KCNK10: variants seen among roughly 807,000 people sequenced by gnomAD.
The protein encoded by KCNK10 is potassium channel subfamily K member 10.
KCNK10 carries 25 observed loss-of-function variants against 47.7 expected under a neutral mutation model. The ratio of observed to expected loss-of-function variants is 0.52; its 90% CI spans 0.38 to 0.73. KCNK10 has a LOEUF of 0.73. Ranked by LOEUF, KCNK10 falls within the 30% of genes least tolerant of loss-of-function variation. KCNK10 has a pLI of 0.00. For synonymous variants in KCNK10, 303 were observed against 285.6 expected, an observed-to-expected ratio of 1.06 and a Z score of -0.61; for missense variants, 563 against 714.5, an observed-to-expected ratio of 0.79 and a Z score of 2.42.
chr14:88,257,118 A>G (rs1246805801), intron 2 of KCNK10, among the ~76,000 whole-genome samples: 1 of 152,180 alleles, frequency 6.6e-6, no homozygotes, highest in Admixed American at 6.5e-5. Flanking sequence ...TTTCTTAAAT[A>G]TAGCCTTTTC....
At chr14:88,236,189 C>T (rs79630547) in intron 3 of KCNK10, among the ~76,000 whole-genome samples, 5,554 of 152,094 alleles carry the variant, frequency 0.037, 406 homozygotes, top group East Asian at 0.26. Flanking sequence ...TGGTGGTATG[C>T]GCCTGTAGTC....
chr14:88,319,597 T>C (rs1297334513), intron 1 of KCNK10, among the ~76,000 whole-genome samples: 6 of 152,206 alleles, frequency 3.9e-5, no homozygotes, highest in Non-Finnish European at 7.4e-5. Flanking sequence ...AAGGAACAAG[T>C]AGGGTAAGCT....
At chr14:88,207,453 C>T (rs1008151217) in intron 4 of KCNK10, among the ~76,000 whole-genome samples, 1 of 152,068 alleles carries the variant, frequency 6.6e-6, no homozygotes, top group Non-Finnish European at 1.5e-5. Flanking sequence ...GGATTACAGG[C>T]GCGAGCCACA....
intron 1 of KCNK10, among the ~76,000 whole-genome samples, chr14:88,298,617 C>G (rs528919049): frequency 6.6e-6 from 1 of 152,192 alleles, no homozygotes; most frequent in South Asian, 2.1e-4. Context: ...CCAGTGCCCC[C>G]CTAGCCCAGA....
chr14:88,316,674 T>C (rs12879226), intron 1 of KCNK10, among the ~76,000 whole-genome samples: 1 of 152,056 alleles, frequency 6.6e-6, no homozygotes, highest in Non-Finnish European at 1.5e-5. Flanking sequence ...ATCAGAGTAC[T>C]GAAAAAGATT....
At chr14:88,317,585 G>T (rs1888454851) in intron 1 of KCNK10, among the ~76,000 whole-genome samples, 1 of 152,252 alleles carries the variant, frequency 6.6e-6, no homozygotes, top group Admixed American at 6.5e-5. Context: ...AGGAAGGAAA[G>T]CTTGAAGGAA....
At chr14:88,282,634 C>G (rs1421386769) in intron 1 of KCNK10, among the ~76,000 whole-genome samples, 1 of 152,196 alleles carries the variant, frequency 6.6e-6, no homozygotes, top group African/African-American at 2.4e-5. Context: ...CATCTACCCC[C>G]ATGGTCCTCC....
At chr14:88,320,939 A>T (rs1888533509) in intron 1 of KCNK10, among the ~76,000 whole-genome samples, 2 of 152,210 alleles carry the variant, frequency 1.3e-5, no homozygotes, top group Non-Finnish European at 2.9e-5. Flanking sequence ...TCCCCCAGTC[A>T]TATCTCAAAA....
At position 88,181,757 on chromosome 14, in the gene KCNK10, CAATT is replaced by C. The variant is rs1475222321; in HGVS notation, c.*3774_*3777del. ...TCACCTTAACCTAAAATGGGCAAGA[CAATT>C]AATTAGTCATTATTCACAAATCCAA... On this transcript the variant is annotated 3_prime_UTR_variant, in exon 7 of 7. Transcript: ENST00000319231. 6.6e-6 allele frequency: 1 copy of C among 152,194 alleles called. No individual in the cohort carries two copies. Among genetic ancestry groups the C allele is most frequent in the Non-Finnish European group, 1.5e-5 (1 of 68,008 alleles). 9.4% of individuals were successfully genotyped at this position (152,194 alleles called of 1,614,324 possible).
rs1887087267 is a variant in KCNK10 at position 88,260,764 on chromosome 14, A to G, written c.402+2438T>C. ...GCCCAGCTCATAACAGATGCCTAAT[A>G]AAGAGCAGCTTTTTAAATTGTTATA... On this transcript the variant is annotated intron_variant, in intron 2 of 6. Coordinates refer to ENST00000319231, the MANE Select transcript of KCNK10 (RefSeq NM_138317.3). The surrounding 1 kb of genome is among the most constrained non-coding windows in gnomAD (Gnocchi z 4.5). Among the ~76,000 whole-genome samples the G allele has an allele frequency of 6.6e-6, 1 of 152,256 alleles. No homozygotes were observed. The highest frequency in any genetic ancestry group is 1.9e-4 in the East Asian group (1 of 5,198).
At chr14:88,296,557 C>T (rs559358463) in intron 1 of KCNK10, among the ~76,000 whole-genome samples, 2 of 152,318 alleles carry the variant, frequency 1.3e-5, no homozygotes, top group South Asian at 4.1e-4. Flanking sequence ...TCTCTTTCCT[C>T]CTGCTCTATT....
At chr14:88,279,019 G>C (rs762580433) in intron 1 of KCNK10, among the ~76,000 whole-genome samples, 1 of 152,142 alleles carries the variant, frequency 6.6e-6, no homozygotes, top group Non-Finnish European at 1.5e-5. Flanking sequence ...ATGCCCAAAA[G>C]TGCCACGCCA....
chr14:88,214,696 G>A (rs2139855855), intron 4 of KCNK10, among the ~76,000 whole-genome samples: 1 of 152,282 alleles, frequency 6.6e-6, no homozygotes, highest in Non-Finnish European at 1.5e-5. Context: ...AACTAATAAT[G>A]AGCTGGTATT....
rs528828273 is a variant in KCNK10, at chr14:88,184,665, C to G, written c.*870G>C. ...GTTTTGGTATTTCTACCCCTCTTAT[C>G]AAAACAAGTTATAACCAAAGTACAT... On this transcript the variant is annotated 3_prime_UTR_variant, in exon 7 of 7. Coordinates refer to ENST00000319231, the MANE Select transcript of KCNK10 (RefSeq NM_138317.3). 6.6e-6 allele frequency: 1 copy of G among 152,442 alleles called. No homozygotes were observed. Among genetic ancestry groups the G allele is most frequent in the South Asian group, 2.1e-4 (1 of 4,830 alleles). The allele number at this position is 152,442 out of a possible 1,614,324, so 9.4% of individuals were successfully genotyped here.
intron 1 of KCNK10, among the ~76,000 whole-genome samples, chr14:88,264,812 C>T (rs1887210437): frequency 6.6e-6 from 1 of 152,238 alleles, no homozygotes; most frequent in South Asian, 2.1e-4. Flanking sequence ...TTAGAATCAG[C>T]AACCTGGGCA....
chr14:88,198,235 T>C (rs1431065667), intron 4 of KCNK10, among the ~76,000 whole-genome samples: 1 of 152,148 alleles, frequency 6.6e-6, no homozygotes, highest in African/African-American at 2.4e-5. Context: ...GTAGAAAACA[T>C]CCAGACAAAT....
intron 2 of KCNK10, among the ~76,000 whole-genome samples, chr14:88,258,567 G>A (rs1887024148): frequency 6.6e-6 from 1 of 152,184 alleles, no homozygotes; most frequent in East Asian, 1.9e-4. Context: ...GGGATTACAG[G>A]CGTGAGCCAC....
chr14:88,271,926 CAA>C (rs547395690), intron 1 of KCNK10, among the ~76,000 whole-genome samples: 39 of 112,454 alleles, frequency 3.5e-4, no homozygotes, highest in Admixed American at 5.5e-4. Flanking sequence ...AAAGGTATGG[CAA>C]AAAAAAAAAA....
At chr14:88,290,664 G>A (rs1887856468) in intron 1 of KCNK10, among the ~76,000 whole-genome samples, 1 of 152,122 alleles carries the variant, frequency 6.6e-6, no homozygotes, top group Admixed American at 6.5e-5. Flanking sequence ...TATAACAGAT[G>A]GAACGAGACT....
Sources: gnomAD v4.1 joint callset for allele counts (sites outside exome capture counted in the v4.1 genomes callset) on GRCh38, gnomAD v4.1.1 for gene constraint, Gnocchi (gnomAD v3.1) non-coding constraint, MANE v1.5 for transcripts, NCBI Gene and HGNC (gene_info 2026-07-23, HGNC 2026-07-21) for gene names.